Variants in BAZ1A observed in about 807,000 individuals in gnomAD.
BAZ1A encodes bromodomain adjacent to zinc finger domain 1A.
In BAZ1A, 50 loss-of-function variants were observed where a neutral mutation model predicts 185.2. The observed-to-expected ratio is 0.27, with a 90% CI of 0.22 to 0.34. The LOEUF (loss-of-function observed/expected upper bound fraction) is 0.34. Ranked by LOEUF, BAZ1A falls within the 10% of genes least tolerant of loss-of-function variation. The probability of loss-of-function intolerance (pLI) is 1.00; values close to 1 mark genes in which losing one functional copy is unlikely to be tolerated. For missense variants in BAZ1A, 1,356 were observed against 1,839.9 expected (o/e 0.74, Z 4.81); for synonymous variants, 571 against 615.6 (o/e 0.93, Z 1.07).
In BAZ1A at chr14:34,800,288, AT is replaced by A; in HGVS notation, c.1063del (p.Ile355LeufsTer7). ...KEKKREELKKIVEEERLKKKE... is the reference protein window; with the variant it reads ...KEKKREELKKXVEEERLKKKE... The stretch of plus-strand genomic sequence containing the variant: ...TTTCTTTAGTCTCTCTTCTTCAACA[AT>A]TTTTTTCAATTCTTCCCTCTTTTTC... On this transcript the variant is annotated frameshift_variant, in exon 9 of 27. Coordinates refer to ENST00000360310, the MANE Select transcript of BAZ1A (RefSeq NM_013448.3). LOFTEE classifies it high-confidence loss of function. 3 of 1,464,028 alleles carry A rather than the reference AT, an allele frequency of 2.0e-6. No homozygotes were observed. The highest frequency in any genetic ancestry group is 2.5e-5 in the South Asian group (2 of 78,870). The allele number at this position is 1,464,028 out of a possible 1,614,324, so 90.7% of individuals were successfully genotyped here.
intron 25 of BAZ1A, 68 bp from the exon 26 acceptor site, chr14:34,754,982 A>G: frequency 7.9e-7 from 1 of 1,260,340 alleles, no homozygotes; most frequent in Non-Finnish European, 1.1e-6. Flanking sequence ...TCAAATAACT[A>G]AAAGTTTTGC....
chr14:34,802,718 C>T (rs1881632238), intron 7 of BAZ1A, 136 bp downstream of exon 7: 8 of 867,956 alleles, frequency 9.2e-6, no homozygotes, highest in Non-Finnish European at 1.4e-5. Flanking sequence ...ATATAGTACA[C>T]ACTTACATAC....
At chr14:34,758,134 AC>A (rs1441498040) in intron 25 of BAZ1A, among the ~76,000 whole-genome samples, 1 of 149,974 alleles carries the variant, frequency 6.7e-6, no homozygotes, top group Admixed American at 6.7e-5. Context: ...AAAAAAAAAA[AC>A]AGCTGGACCT....
At chr14:34,831,609 T>G (rs1694035171) in intron 3 of BAZ1A, among the ~76,000 whole-genome samples, 1 of 152,232 alleles carries the variant, frequency 6.6e-6, no homozygotes, top group African/African-American at 2.4e-5. Flanking sequence ...CAAATAATCC[T>G]ACACCCAAAC....
intron 2 of BAZ1A, among the ~76,000 whole-genome samples, chr14:34,867,829 G>A (rs917037377): frequency 1.3e-5 from 2 of 152,120 alleles, no homozygotes; most frequent in African/African-American, 4.8e-5. Flanking sequence ...TCCCACTTCT[G>A]TAATTCTGCT....
chr14:34,768,929 C>T (rs1416157750), intron 21 of BAZ1A: 3 of 205,242 alleles, frequency 1.5e-5, no homozygotes, highest in African/African-American at 2.4e-5. Flanking sequence ...TTTTATCTTC[C>T]CCAAATGAAA....
chr14:34,857,966 G>A (rs2042708579), intron 3 of BAZ1A, among the ~76,000 whole-genome samples: 1 of 152,090 alleles, frequency 6.6e-6, no homozygotes, highest in South Asian at 2.1e-4. Context: ...ACTTCTATTT[G>A]AAATTTGTTT....
At chr14:34,872,260 T>C (rs1486133958) in intron 2 of BAZ1A, among the ~76,000 whole-genome samples, 1 of 152,150 alleles carries the variant, frequency 6.6e-6, no homozygotes, top group East Asian at 1.9e-4. Context: ...ATTTAAAATG[T>C]TTAAATGCCC....
rs1886172335 is a variant in BAZ1A at position 34,754,818 on chromosome 14, ATTAC to A, written c.4474+5_4474+8del. The A allele has an allele frequency of 2.0e-6, 3 of 1,525,398 alleles. No individual in the cohort carries two copies. Among genetic ancestry groups the A allele is most frequent in the African/African-American group, 1.4e-5 (1 of 71,556 alleles). 94.5% of individuals were successfully genotyped at this position (1,525,398 alleles called of 1,614,324 possible). On this transcript the variant is annotated splice_donor_5th_base_variant and intron_variant, in intron 26 of 26. Transcript: ENST00000360310. ...AAATAAATATCAAAGAAAAACATAA[ATTAC>A]TTACATGCTAATTTATATTCACACT...
At chr14:34,852,009 C>A (rs1412264919) in intron 3 of BAZ1A, among the ~76,000 whole-genome samples, 1 of 152,058 alleles carries the variant, frequency 6.6e-6, no homozygotes, top group East Asian at 1.9e-4. Flanking sequence ...TGCCTGTAGT[C>A]CCAGTTACTC....
intron 17 of BAZ1A, among the ~76,000 whole-genome samples, chr14:34,778,117 GACA>G (rs1334205423): frequency 6.6e-6 from 1 of 152,194 alleles, no homozygotes; most frequent in African/African-American, 2.4e-5. Context: ...CCAAAAGAAG[GACA>G]ACATTTCCCA....
At chr14:34,817,544 C>A (rs553364564) in intron 4 of BAZ1A, among the ~76,000 whole-genome samples, 8 of 152,174 alleles carry the variant, frequency 5.3e-5, no homozygotes, top group Admixed American at 4.6e-4. Context: ...GCCAAGATTG[C>A]GCTGTTGCGC....
At chr14:34,856,174 T>C (rs2042673514) in intron 3 of BAZ1A, among the ~76,000 whole-genome samples, 1 of 152,184 alleles carries the variant, frequency 6.6e-6, no homozygotes. Flanking sequence ...GTGGGGAACC[T>C]AGGCCTAGCC....
At chr14:34,783,948 C>G in intron 14 of BAZ1A, 21 bp from the exon 15 acceptor site, 3 of 1,565,674 alleles carry the variant, frequency 1.9e-6, no homozygotes, top group Non-Finnish European at 2.6e-6. Context: ...TTGGTAAATA[C>G]TTCTGTATTA....
chr14:34,819,580 T>C (rs925263836), intron 4 of BAZ1A, among the ~76,000 whole-genome samples: 4 of 152,250 alleles, frequency 2.6e-5, no homozygotes, highest in Non-Finnish European at 5.9e-5. Context: ...ATTTAAACTT[T>C]CTCCGTGTTT....
chr14:34,820,378 C>T (rs182371572), intron 4 of BAZ1A, among the ~76,000 whole-genome samples: 155 of 152,234 alleles, frequency 1.0e-3, no homozygotes, highest in African/African-American at 3.3e-3. Flanking sequence ...GCAATCCACC[C>T]CCCTTGGCCT....
intron 15 of BAZ1A, 50 bp from the exon 16 acceptor site, chr14:34,783,282 T>C (rs1320214109): frequency 9.0e-7 from 1 of 1,117,264 alleles, no homozygotes; most frequent in Non-Finnish European, 1.3e-6. Flanking sequence ...CATATACATT[T>C]CACTTTTAGC....
chr14:34,865,749 A>G (rs930190801), intron 2 of BAZ1A, among the ~76,000 whole-genome samples: 8 of 152,256 alleles, frequency 5.3e-5, no homozygotes, highest in African/African-American at 1.9e-4. Flanking sequence ...TATATCATCA[A>G]AAATACAAAG....
intron 3 of BAZ1A, among the ~76,000 whole-genome samples, chr14:34,829,708 C>T (rs2042213196): frequency 6.6e-6 from 1 of 152,176 alleles, no homozygotes; most frequent in African/African-American, 2.4e-5. Context: ...TCTTAATCTT[C>T]TGTAAACCAT....
Sources: allele counts gnomAD v4.1 joint callset (sites outside exome capture counted in the v4.1 genomes callset), GRCh38; gene constraint gnomAD v4.1.1; transcripts MANE v1.5; gene names NCBI Gene and HGNC (gene_info 2026-07-23, HGNC 2026-07-21).